Variants in MAN2B2 observed in about 807,000 individuals in gnomAD.
MAN2B2 encodes the protein epididymis-specific alpha-mannosidase.
MAN2B2 carries 106 observed loss-of-function variants against 117.1 expected under a neutral mutation model. The observed-to-expected ratio is 0.90, with a 90% CI of 0.77 to 1.06. The LOEUF (loss-of-function observed/expected upper bound fraction) is 1.06. Among genes scored for constraint, MAN2B2 ranks in the 50% least tolerant of loss-of-function variants. The pLI is 0.00. For missense variants in MAN2B2, 1,326 were observed against 1,381.4 expected (o/e 0.96, Z 0.64); for synonymous variants, 544 against 595.1 (o/e 0.91, Z 1.25).
chr4:6,587,571 C>T (rs1001912953), intron 4 of MAN2B2, among the ~76,000 whole-genome samples: 1 of 152,164 alleles, frequency 6.6e-6, no homozygotes, highest in African/African-American at 2.4e-5. Flanking sequence ...CGCTGTGATT[C>T]TTCAGGTGTG....
chr4:6,603,089 T>C (rs1727392283), intron 10 of MAN2B2, among the ~76,000 whole-genome samples: 1 of 152,146 alleles, frequency 6.6e-6, no homozygotes, highest in Non-Finnish European at 1.5e-5. Context: ...TGATCTAATA[T>C]GAATTTCCAC....
intron 2 of MAN2B2, 42 bp from the exon 3 acceptor site, chr4:6,578,351 G>A: frequency 1.4e-6 from 2 of 1,480,258 alleles, no homozygotes; most frequent in Non-Finnish European, 9.3e-7. Flanking sequence ...CCATGCTCAG[G>A]AGCCGTAACT....
At chr4:6,619,544 T>G in intron 17 of MAN2B2, 1 of 195,632 alleles carries the variant, frequency 5.1e-6, no homozygotes, top group Non-Finnish European at 1.1e-5. Flanking sequence ...CAAGGCCTAT[T>G]GGGAAAGGGG....
At chr4:6,613,582 G>A (rs1441128257) in intron 15 of MAN2B2, among the ~76,000 whole-genome samples, 1 of 143,730 alleles carries the variant, frequency 7.0e-6, no homozygotes, top group Non-Finnish European at 1.5e-5. Context: ...CTACAAGGAA[G>A]GAAGGAAGGA....
intron 16 of MAN2B2, 61 bp downstream of exon 16, chr4:6,614,416 C>A: frequency 1.3e-6 from 2 of 1,582,730 alleles, no homozygotes; most frequent in African/African-American, 2.7e-5. Flanking sequence ...AACAGGCCAC[C>A]GGGCCCACCA....
intron 11 of MAN2B2, among the ~76,000 whole-genome samples, chr4:6,608,514 C>T (rs1727633874): frequency 6.6e-6 from 1 of 152,246 alleles, no homozygotes; most frequent in African/African-American, 2.4e-5. Flanking sequence ...CTAACACAAA[C>T]ATCCTAATAG....
chr4:6,579,148 CA>C, intron 3 of MAN2B2, among the ~76,000 whole-genome samples: 2 of 79,052 alleles, frequency 2.5e-5, no homozygotes, highest in Non-Finnish European at 5.6e-5. Context: ...CCATCACCAC[CA>C]CCATCACCAT....
chr4:6,600,662 C>T lies in MAN2B2; in HGVS notation c.1445C>T (p.Pro482Leu), dbSNP rs776947647. 6.1e-5 allele frequency: 98 copies of T among 1,613,890 alleles called. 1 individual carries two copies. In the South Asian group the frequency reaches 8.1e-4, roughly 13 times the overall value. ...GGACATTTTGCCTCGGTCTACAACC[C>T]GCTGGCCTGGACGGTCACCACCATC... is the stretch of plus-strand genomic sequence containing the variant. ...PAGHFASVYN[P>L]LAWTVTTIVT... is the part of the protein sequence containing the mutation. Residue 482 changes from proline to leucine, a missense_variant, in exon 10 of 19, where the codon CCG becomes CTG. Coordinates refer to ENST00000285599, the MANE Select transcript of MAN2B2 (RefSeq NM_015274.3).
chr4:6,597,577 G>A (rs574358942), intron 8 of MAN2B2, among the ~76,000 whole-genome samples: 36 of 152,336 alleles, frequency 2.4e-4, no homozygotes, highest in African/African-American at 8.4e-4. Flanking sequence ...ATTTGTGTCC[G>A]ACAGCCCTGC....
chr4:6,607,117 T>C (rs1727580570), intron 11 of MAN2B2, among the ~76,000 whole-genome samples: 1 of 152,212 alleles, frequency 6.6e-6, no homozygotes, highest in African/African-American at 2.4e-5. Flanking sequence ...TCCTAGACTA[T>C]TTCTGTCTAT....
intron 3 of MAN2B2, among the ~76,000 whole-genome samples, chr4:6,580,759 A>G (rs1302066090): frequency 6.6e-6 from 1 of 152,146 alleles, no homozygotes; most frequent in Non-Finnish European, 1.5e-5. Flanking sequence ...TTACTGGGCA[A>G]GGCTGGGCAA....
chr4:6,596,641 C>T (rs549263645), intron 7 of MAN2B2, among the ~76,000 whole-genome samples: 2 of 152,246 alleles, frequency 1.3e-5, no homozygotes, highest in East Asian at 1.9e-4. Flanking sequence ...CCAGAGAATC[C>T]CTGCTGAAAC....
At chr4:6,587,750 G>GTTGTTTT (rs1335751738) in intron 4 of MAN2B2, among the ~76,000 whole-genome samples, 3 of 113,470 alleles carry the variant, frequency 2.6e-5, no homozygotes, top group African/African-American at 1.1e-4. Flanking sequence ...TTGGGTTGTT[G>GTTGTTTT]TTTTTTTTTT....
In MAN2B2 at chr4:6,610,994, G is replaced by A. The variant is rs1306040050; in HGVS notation, c.2370+4G>A. 6 of 1,614,028 alleles carry A rather than the reference G, an allele frequency of 3.7e-6. No homozygotes were observed. The highest frequency in any genetic ancestry group is 5.1e-6 in the Non-Finnish European group (6 of 1,180,002). The stretch of plus-strand genomic sequence containing the variant: ...CCAAGGGAATGGGCAGGTGGAGGTA[G>A]GAGGCACGGTCTGTCCTACAGCAGC... On this transcript the variant is annotated splice_donor_region_variant and intron_variant, in intron 14 of 18. Coordinates refer to ENST00000285599, the MANE Select transcript of MAN2B2 (RefSeq NM_015274.3).
intron 9 of MAN2B2, 73 bp downstream of exon 9, chr4:6,598,427 C>G (rs1177194170): frequency 6.7e-7 from 1 of 1,481,634 alleles, no homozygotes; most frequent in East Asian, 2.4e-5. Context: ...GGGAGGGGCT[C>G]AACGACCCCA....
At position 6,587,147 on chromosome 4, in the gene MAN2B2, G is replaced by A. The variant is rs747012343; in HGVS notation, c.543G>A (p.Lys181=). 3 of 1,613,464 alleles carry A rather than the reference G, an allele frequency of 1.9e-6. No homozygotes were observed. In the South Asian group the frequency reaches 3.3e-5, roughly 18 times the overall value. ...HLGSRIDYDL[K]AAMQEARGLQ... is the part of the protein sequence containing the mutation. ...GCTCCCGGATCGACTACGACCTGAA[G>A]GCAGCCATGCAGGAGGCCCGGGTGA... is the stretch of plus-strand genomic sequence containing the variant. Residue 181 remains lysine (K), a synonymous_variant, in exon 4 of 19, where the codon AAG becomes AAA. Coordinates refer to ENST00000285599, the MANE Select transcript of MAN2B2 (RefSeq NM_015274.3).
intron 11 of MAN2B2, 106 bp downstream of exon 11, chr4:6,605,435 C>A: frequency 7.5e-7 from 1 of 1,333,458 alleles, no homozygotes. Flanking sequence ...GGGGGAAGGA[C>A]AGATGGTGGT....
intron 3 of MAN2B2, among the ~76,000 whole-genome samples, chr4:6,583,294 C>T (rs1443099269): frequency 6.6e-6 from 1 of 152,212 alleles, no homozygotes; most frequent in Non-Finnish European, 1.5e-5. Context: ...GGAATAGAGT[C>T]TATTTTGCTC....
rs143702299 is a variant in MAN2B2 at position 6,620,073 on chromosome 4, C to T, written c.2932+29C>T. ...TGGGGACCCCCGCTTCAGCTCCCTA[C>T]CCAGGACTCCCAGCCAGGCTCAGCA... is the stretch of plus-strand genomic sequence containing the variant. On this transcript the variant is annotated intron_variant, in intron 18 of 18. Transcript: ENST00000285599. The T allele has an allele frequency of 8.5e-4, 1,320 of 1,555,966 alleles. 8 individuals are homozygous for T. In the African/African-American group the frequency reaches 0.015, roughly 18 times the overall value.
Sources: gnomAD v4.1 joint callset for allele counts (sites outside exome capture counted in the v4.1 genomes callset) on GRCh38, gnomAD v4.1.1 for gene constraint, MANE v1.5 for transcripts, NCBI Gene and HGNC (gene_info 2026-07-23, HGNC 2026-07-21) for gene names.